PDS5B: variants seen among roughly 807,000 people sequenced by gnomAD.
The protein encoded by PDS5B is sister chromatid cohesion protein PDS5 homolog B.
A neutral mutation model predicts 184.1 loss-of-function variants in PDS5B; 51 were observed. The observed-to-expected ratio is 0.28, with a 90% CI of 0.22 to 0.35. PDS5B has a LOEUF of 0.35. Ranked by LOEUF, PDS5B falls within the 10% of genes least tolerant of loss-of-function variation. The pLI, the probability that PDS5B is intolerant of heterozygous loss-of-function variation, is 1.00. For missense variants in PDS5B, 1,180 were observed against 1,723.3 expected, an observed-to-expected ratio of 0.68 and a Z score of 5.58; for synonymous variants, 566 against 569.2, an observed-to-expected ratio of 0.99 and a Z score of 0.08.
At chr13:32,762,994 C>G in intron 30 of PDS5B, among the ~76,000 whole-genome samples, 1 of 152,270 alleles carries the variant, frequency 6.6e-6, no homozygotes, top group Middle Eastern at 3.4e-3. Context: ...CTAATTTATA[C>G]TTTTTCAATA....
intron 1 of PDS5B, among the ~76,000 whole-genome samples, chr13:32,592,286 C>T (rs1318947107): frequency 6.6e-6 from 1 of 152,116 alleles, no homozygotes; most frequent in Non-Finnish European, 1.5e-5. Context: ...CGGAGTTTCG[C>T]ACTTGTTGCA....
At chr13:32,675,807 T>C in intron 8 of PDS5B, 37 bp from the exon 9 acceptor site, 1 of 1,249,906 alleles carries the variant, frequency 8.0e-7, no homozygotes, top group Non-Finnish European at 1.2e-6. Context: ...GAATATCTAC[T>C]GCATGGTTTT....
At chr13:32,594,926 C>G (rs1235332756) in intron 1 of PDS5B, among the ~76,000 whole-genome samples, 1 of 152,118 alleles carries the variant, frequency 6.6e-6, no homozygotes, top group East Asian at 1.9e-4. Context: ...GGTTTCATCC[C>G]TGTTAATTGG....
intron 10 of PDS5B, among the ~76,000 whole-genome samples, chr13:32,682,943 A>G (rs1408205375): frequency 1.3e-5 from 2 of 151,796 alleles, no homozygotes. Context: ...ATCTGCCAAA[A>G]TTTTGTTGAC....
intron 1 of PDS5B, among the ~76,000 whole-genome samples, chr13:32,597,041 A>G (rs1290035785): frequency 6.6e-6 from 1 of 151,220 alleles, no homozygotes; most frequent in African/African-American, 2.4e-5. Context: ...AGTTCTTTTT[A>G]TTTTTTATTT....
At chr13:32,652,757 TA>T (rs202075341) in intron 3 of PDS5B, among the ~76,000 whole-genome samples, 7,961 of 141,078 alleles carry the variant, frequency 0.056, 585 homozygotes, top group African/African-American at 0.18. Flanking sequence ...CCATCTCTAT[TA>T]AAAAAAAAAA....
chr13:32,732,519 A>G (rs2140952104), intron 20 of PDS5B, among the ~76,000 whole-genome samples: 1 of 152,236 alleles, frequency 6.6e-6, no homozygotes, highest in Non-Finnish European at 1.5e-5. Context: ...AATCATAGTT[A>G]CAGATAGTAG....
intron 1 of PDS5B, among the ~76,000 whole-genome samples, chr13:32,628,188 A>G (rs764161219): frequency 2.0e-4 from 30 of 152,332 alleles, no homozygotes; most frequent in Non-Finnish European, 4.1e-4. Context: ...CATATCTACA[A>G]GAGATGTATC....
intron 12 of PDS5B, among the ~76,000 whole-genome samples, 180 bp downstream of exon 12, chr13:32,687,465 A>G (rs17077748): frequency 0.01 from 1,582 of 152,276 alleles, 39 homozygotes; most frequent in African/African-American, 0.035. Context: ...AGTAATGTAC[A>G]TATAACTTTA....
rs756466485 is a variant in PDS5B at position 32,773,151 on chromosome 13, T to G, written c.4173-38T>G. ...CTAACGAGGTAATCTACTGAAAGAT[T>G]GGAACGTTCATTGTGTTTTACATGT... On this transcript the variant is annotated intron_variant, in intron 33 of 34. Coordinates refer to ENST00000315596, the MANE Select transcript of PDS5B (RefSeq NM_015032.4). The G allele has an allele frequency of 4.3e-5, 66 of 1,543,856 alleles. No individual in the cohort carries two copies. The Admixed American group carries it at 1.3e-3, about 31-fold the overall frequency.
chr13:32,642,752 T>C (rs1198372165), intron 1 of PDS5B, among the ~76,000 whole-genome samples: 1 of 152,144 alleles, frequency 6.6e-6, no homozygotes, highest in Non-Finnish European at 1.5e-5. Flanking sequence ...CTCTCTGAGA[T>C]TTATTCAGAA....
At chr13:32,617,548 C>G (rs1404241389) in intron 1 of PDS5B, among the ~76,000 whole-genome samples, 2 of 152,154 alleles carry the variant, frequency 1.3e-5, no homozygotes, top group South Asian at 2.1e-4. Flanking sequence ...GTATTCAGGG[C>G]CCGTTTGATT....
rs34604938 is a variant in PDS5B, at chr13:32,665,588, CAAAAAAAAAA to C, written c.625-2159_625-2150del. On this transcript the variant is annotated intron_variant, in intron 6 of 34. Transcript: ENST00000315596. ...TGGGCGACAGAGCGAGACTCCGACT[CAAAAAAAAAA>C]AAAAAAAAAAAAAAAAGAAAATAAA... Among the ~76,000 whole-genome samples, 66 of 25,886 alleles carry C rather than the reference CAAAAAAAAAA, an allele frequency of 2.5e-3. 1 individual carries two copies. The highest frequency in any genetic ancestry group is 0.01 in the African/African-American group (60 of 5,992). 17.0% of individuals were successfully genotyped at this position (25,886 alleles called of 152,430 possible). A position where few individuals can be genotyped will look rare whatever the true frequency, so the allele number is the denominator to read the frequency against.
At position 32,755,974 on chromosome 13, in the gene PDS5B, C is replaced by T. The variant is rs377338902; in HGVS notation, c.3056+18C>T. ...GTTAAAGAGTAAGACTTTTTCCATC[C>T]CATTTTCATATTTTCTGAAAGTTAT... On this transcript the variant is annotated intron_variant, in intron 26 of 34. Transcript: ENST00000315596. 9.9e-5 allele frequency: 115 copies of T among 1,166,596 alleles called. No individual in the cohort carries two copies. The highest frequency in any genetic ancestry group is 1.2e-4 in the Non-Finnish European group (95 of 795,822). 72.3% of individuals were successfully genotyped at this position (1,166,596 alleles called of 1,614,324 possible).
chr13:32,635,223 TGGG>T (rs369466967), intron 1 of PDS5B, among the ~76,000 whole-genome samples: 1 of 126,040 alleles, frequency 7.9e-6, no homozygotes, highest in Non-Finnish European at 1.6e-5. Flanking sequence ...TTTGTGGAGA[TGGG>T]GGGGTCTCAC....
At chr13:32,753,781 G>A (rs1015959654) in intron 25 of PDS5B, among the ~76,000 whole-genome samples, 7 of 152,080 alleles carry the variant, frequency 4.6e-5, no homozygotes, top group African/African-American at 1.7e-4. Flanking sequence ...CAATGACATT[G>A]GAGGTACTTT....
intron 19 of PDS5B, among the ~76,000 whole-genome samples, chr13:32,724,507 C>A (rs1456553775): frequency 6.6e-6 from 1 of 152,154 alleles, no homozygotes; most frequent in Non-Finnish European, 1.5e-5. Context: ...GGTTGTTTCT[C>A]TTGAAGAGTT....
chr13:32,640,195 AATG>A (rs1352468730), intron 1 of PDS5B, among the ~76,000 whole-genome samples: 1 of 152,172 alleles, frequency 6.6e-6, no homozygotes, highest in Non-Finnish European at 1.5e-5. Flanking sequence ...ATATTTAATT[AATG>A]ATCATTTTAT....
chr13:32,757,702 T>C (rs1278925147), intron 26 of PDS5B, among the ~76,000 whole-genome samples: 1 of 152,234 alleles, frequency 6.6e-6, no homozygotes, highest in African/African-American at 2.4e-5. Flanking sequence ...CCATCAGGAC[T>C]GTAGTCAGTC....
Sources: gnomAD v4.1 joint callset for allele counts (sites outside exome capture counted in the v4.1 genomes callset) on GRCh38, gnomAD v4.1.1 for gene constraint, MANE v1.5 for transcripts, NCBI Gene and HGNC (gene_info 2026-07-23, HGNC 2026-07-21) for gene names.